Variants in LEPR observed in about 807,000 individuals in gnomAD.
The protein encoded by LEPR is leptin receptor, also known as OB receptor.
LEPR carries 56 observed loss-of-function variants against 114.7 expected under a neutral mutation model. The ratio of observed to expected loss-of-function variants is 0.49; its 90% CI spans 0.39 to 0.61. The LOEUF (loss-of-function observed/expected upper bound fraction) is 0.61, where lower values mean the gene tolerates loss of function less well. Among genes scored for constraint, LEPR ranks in the 20% least tolerant of loss-of-function variants. The probability of loss-of-function intolerance (pLI) is 0.00; values close to 1 mark genes in which losing one functional copy is unlikely to be tolerated. For missense variants in LEPR, 1,202 were observed against 1,352.9 expected (o/e 0.89, Z 1.75); for synonymous variants, 443 against 461.4 (o/e 0.96, Z 0.51).
At chr1:65,452,254 A>G (rs1349011770) in intron 2 of LEPR, among the ~76,000 whole-genome samples, 5 of 151,996 alleles carry the variant, frequency 3.3e-5, no homozygotes, top group African/African-American at 9.7e-5. Flanking sequence ...TCTTTTCCTA[A>G]TTGAATACCC....
Position 65,608,857 on chromosome 1 carries a change from T to C in LEPR, c.1708T>C (p.Phe570Leu). 1 of 1,613,764 alleles carries C rather than the reference T, an allele frequency of 6.2e-7. No homozygotes were observed. Among genetic ancestry groups the C allele is most frequent in the Non-Finnish European group, 8.5e-7 (1 of 1,179,822 alleles). Residue 570 changes from phenylalanine to leucine, a missense_variant, in exon 12 of 20, where the codon TTC becomes CTC. Phe to Leu is a conservative substitution (Grantham distance 22, BLOSUM62 0). Coordinates refer to ENST00000349533, the MANE Select transcript of LEPR (RefSeq NM_002303.6). The stretch of plus-strand genomic sequence containing the variant: ...AGTCTTTCCAGAGAATAACCTTCAA[T>C]TCCAGATTCGCTATGGTTTAAGTGG... Reference protein sequence around the residue: ...KPVFPENNLQFQIRYGLSGKE... With the variant: ...KPVFPENNLQLQIRYGLSGKE...
At chr1:65,542,934 G>C (rs1327158921) in intron 2 of LEPR, among the ~76,000 whole-genome samples, 5 of 151,964 alleles carry the variant, frequency 3.3e-5, no homozygotes, top group African/African-American at 1.2e-4. Context: ...GTGTGCATGT[G>C]TCTTTATAGT....
intron 3 of LEPR, among the ~76,000 whole-genome samples, chr1:65,566,537 C>A (rs997786339): frequency 5.9e-5 from 9 of 152,198 alleles, no homozygotes; most frequent in African/African-American, 2.2e-4. Context: ...ACTGTTCTCA[C>A]GTGTTTCTTA....
rs764272675 is a variant in LEPR, at chr1:65,598,719, G to A, written c.909G>A (p.Ser303=). 100 of 1,613,422 alleles carry A rather than the reference G, an allele frequency of 6.2e-5. No individual in the cohort carries two copies. Among genetic ancestry groups the A allele is most frequent in the Non-Finnish European group, 7.8e-5 (92 of 1,179,630 alleles). ...TAGACAGTATACTTCCTGGGTCTTC[G>A]TATGAGGTTCAGGTGAGGGGCAAGA... is the stretch of plus-strand genomic sequence containing the variant. ...LLVDSILPGS[S]YEVQVRGKRL... is the part of the protein sequence containing the mutation. The change falls in exon 8 of 20, where the codon TCG becomes TCA. Residue 303 remains serine, a synonymous_variant. Transcript: ENST00000349533.
rs559260891 is a variant in LEPR, at chr1:65,626,378, T to C, written c.2673+3397T>C. 86 of 1,160,852 alleles carry C rather than the reference T, an allele frequency of 7.4e-5. 1 individual carries two copies. The South Asian group carries it at 2.7e-3, about 36-fold the overall frequency. 71.9% of individuals were successfully genotyped at this position (1,160,852 alleles called of 1,614,324 possible). A position where few individuals can be genotyped will look rare whatever the true frequency, so the allele number is the denominator to read the frequency against. On this transcript the variant is annotated intron_variant, in intron 19 of 19. Coordinates refer to ENST00000349533, the MANE Select transcript of LEPR (RefSeq NM_002303.6). ...GTTCTTATTTGTAGGACTGATTTTTTAAAAATCTCTGGAAATATTTGACTT... is the reference window on the plus strand; with the variant it reads ...GTTCTTATTTGTAGGACTGATTTTTCAAAAATCTCTGGAAATATTTGACTT...
chr1:65,628,905 C>T (rs1463076568), intron 19 of LEPR, among the ~76,000 whole-genome samples: 1 of 151,834 alleles, frequency 6.6e-6, no homozygotes, highest in Non-Finnish European at 1.5e-5. Flanking sequence ...AAGGACAGTC[C>T]CCTTTTCCAC....
intron 2 of LEPR, among the ~76,000 whole-genome samples, chr1:65,529,170 A>G (rs1417096879): frequency 6.6e-6 from 1 of 152,050 alleles, no homozygotes; most frequent in Non-Finnish European, 1.5e-5. Flanking sequence ...TTTGCTTAAC[A>G]TTATGTTTAT....
chr1:65,622,845 T>A lies in LEPR; in HGVS notation c.2598-61T>A. On this transcript the variant is annotated intron_variant, in intron 18 of 19. Coordinates refer to ENST00000349533, the MANE Select transcript of LEPR (RefSeq NM_002303.6). ...ATTTCTAGCTTGTCTGTTCACTAAC[T>A]GTTCACATTTTCAATATGGATGTTT... The A allele has an allele frequency of 1.5e-5, 23 of 1,571,916 alleles. 1 individual carries two copies. In the South Asian group the frequency reaches 2.6e-4, roughly 18 times the overall value.
At chr1:65,619,175 A>C (rs1657721192) in intron 16 of LEPR, among the ~76,000 whole-genome samples, 1 of 152,218 alleles carries the variant, frequency 6.6e-6, no homozygotes, top group African/African-American at 2.4e-5. Flanking sequence ...AGAATTTAGC[A>C]TCAGGGTAAA....
At chr1:65,429,135 A>G (rs1000759696) in intron 2 of LEPR, among the ~76,000 whole-genome samples, 2 of 152,196 alleles carry the variant, frequency 1.3e-5, no homozygotes, top group East Asian at 3.8e-4. Context: ...GGTATGTTCG[A>G]GGGTGACCTG....
At chr1:65,447,982 T>C (rs983635870) in intron 2 of LEPR, among the ~76,000 whole-genome samples, 2 of 152,232 alleles carry the variant, frequency 1.3e-5, no homozygotes, top group African/African-American at 4.8e-5. Context: ...GACAGTAATA[T>C]ATATTCCTTC....
chr1:65,525,363 C>G (rs936137632), intron 2 of LEPR, among the ~76,000 whole-genome samples: 2 of 152,210 alleles, frequency 1.3e-5, no homozygotes, highest in African/African-American at 4.8e-5. Context: ...TGCCAGGGAA[C>G]TCGCGGCACC....
chr1:65,514,394 C>T (rs1260857430), intron 2 of LEPR, among the ~76,000 whole-genome samples: 1 of 152,188 alleles, frequency 6.6e-6, no homozygotes, highest in Non-Finnish European at 1.5e-5. Flanking sequence ...GGTTCTAGTT[C>T]CCAGGAAGAG....
At chr1:65,583,687 TCA>T (rs573964405) in intron 5 of LEPR, among the ~76,000 whole-genome samples, 186 of 152,078 alleles carry the variant, frequency 1.2e-3, no homozygotes, top group Admixed American at 3.7e-3. Context: ...AATGAAATAA[TCA>T]CAGTGTCTGG....
chr1:65,555,353 A>G (rs1652742169), intron 2 of LEPR, among the ~76,000 whole-genome samples: 2 of 152,206 alleles, frequency 1.3e-5, no homozygotes. Context: ...TATCACCTGG[A>G]TGAATGGTTC....
At chr1:65,481,271 G>A (rs115366498) in intron 2 of LEPR, among the ~76,000 whole-genome samples, 3,892 of 152,176 alleles carry the variant, frequency 0.026, 180 homozygotes, top group African/African-American at 0.089. Flanking sequence ...GTCACAATTC[G>A]AGGAATTGAG....
At chr1:65,616,631 A>G (rs1319510007) in intron 15 of LEPR, among the ~76,000 whole-genome samples, 1 of 152,008 alleles carries the variant, frequency 6.6e-6, no homozygotes, top group Non-Finnish European at 1.5e-5. Context: ...ATTTAACACT[A>G]TGTAAAATAG....
intron 1 of LEPR, among the ~76,000 whole-genome samples, chr1:65,424,548 G>A (rs1399862181): frequency 8.7e-6 from 1 of 115,212 alleles, no homozygotes; most frequent in Non-Finnish European, 1.9e-5. Context: ...TATACTTTAT[G>A]ATTTCAAGGT....
intron 6 of LEPR, among the ~76,000 whole-genome samples, 153 bp downstream of exon 6, chr1:65,593,018 C>T (rs1381244931): frequency 2.0e-5 from 3 of 152,032 alleles, no homozygotes; most frequent in Non-Finnish European, 4.4e-5. Context: ...AGAGTGGCTT[C>T]TAGAATGATT....
Sources: gnomAD v4.1 joint callset for allele counts (sites outside exome capture counted in the v4.1 genomes callset) on GRCh38, gnomAD v4.1.1 for gene constraint, MANE v1.5 for transcripts, NCBI Gene and HGNC (gene_info 2026-07-23, HGNC 2026-07-21) for gene names.